Variants in PTPN14 observed in about 807,000 individuals in gnomAD.
PTPN14 encodes the protein protein tyrosine phosphatase non-receptor type 14.
In PTPN14, 53 loss-of-function variants were observed where a neutral mutation model predicts 126.8. The observed-to-expected ratio is 0.42, with a 90% CI of 0.34 to 0.53. The LOEUF (loss-of-function observed/expected upper bound fraction) is 0.53, where lower values mean the gene tolerates loss of function less well. Ranked by LOEUF, PTPN14 falls within the 20% of genes least tolerant of loss-of-function variation. The probability of loss-of-function intolerance (pLI) is 0.08; values close to 1 mark genes in which losing one functional copy is unlikely to be tolerated. For synonymous variants in PTPN14, 630 were observed against 599.3 expected (o/e 1.05, Z -0.75); for missense variants, 1,257 against 1,552.9 (o/e 0.81, Z 3.20).
chr1:214,539,723 G>T (rs1319250206), intron 1 of PTPN14, among the ~76,000 whole-genome samples: 1 of 152,128 alleles, frequency 6.6e-6, no homozygotes, highest in East Asian at 1.9e-4. Flanking sequence ...GAAGAGAGGA[G>T]GAGGGAGGAA....
intron 17 of PTPN14, among the ~76,000 whole-genome samples, chr1:214,365,873 A>G (rs1658068546): frequency 6.7e-6 from 1 of 150,096 alleles, no homozygotes; most frequent in South Asian, 2.1e-4. Flanking sequence ...CAAAATAAAA[A>G]AGAAAGAAGG....
chr1:214,461,548 T>A (rs1660512794), intron 2 of PTPN14, among the ~76,000 whole-genome samples: 2 of 152,062 alleles, frequency 1.3e-5, no homozygotes. Flanking sequence ...TGGGATCACT[T>A]GAGCTCAGGA....
rs2102492577 is a variant in PTPN14 at position 214,351,768 on chromosome 1, T to TGC, written c.*6152_*6153dup. 1 of 152,338 alleles carries TGC rather than the reference T, an allele frequency of 6.6e-6. No homozygotes were observed. The highest frequency in any genetic ancestry group is 2.1e-4 in the South Asian group (1 of 4,826). 9.4% of individuals were successfully genotyped at this position (152,338 alleles called of 1,614,324 possible). On this transcript the variant is annotated 3_prime_UTR_variant, in exon 19 of 19. Transcript: ENST00000366956. The stretch of plus-strand genomic sequence containing the variant: ...GCTAGGGTGAAATAGACTCCAACAC[T>TGC]GCTGCAGGCTTTCCCTAGCATGCCA...
At chr1:214,478,677 CT>C (rs1660918930) in intron 1 of PTPN14, among the ~76,000 whole-genome samples, 2 of 152,204 alleles carry the variant, frequency 1.3e-5, no homozygotes. Flanking sequence ...CTATAATAGC[CT>C]TTAAATGATT....
At chr1:214,533,048 C>G in intron 1 of PTPN14, 2 of 747,898 alleles carry the variant, frequency 2.7e-6, no homozygotes, top group Non-Finnish European at 4.9e-6. Flanking sequence ...CAGGTTGGAG[C>G]TGCTGAGATG....
chr1:214,360,460 G>A (rs1056580934), intron 18 of PTPN14, among the ~76,000 whole-genome samples: 1 of 152,238 alleles, frequency 6.6e-6, no homozygotes, highest in African/African-American at 2.4e-5. Context: ...GCTTCTGACA[G>A]TAACAAGTAG....
chr1:214,529,183 G>A (rs1056184769), intron 1 of PTPN14: 1 of 152,136 alleles, frequency 6.6e-6, no homozygotes, highest in Non-Finnish European at 1.5e-5. Flanking sequence ...TGTGTGTGGT[G>A]GCGCATGTCT....
intron 1 of PTPN14, among the ~76,000 whole-genome samples, chr1:214,524,101 C>T (rs1655329107): frequency 1.3e-5 from 2 of 151,906 alleles, no homozygotes; most frequent in South Asian, 2.1e-4. Context: ...CTACCTGCCT[C>T]GGCCTCCCAA....
intron 2 of PTPN14, 116 bp downstream of exon 2, chr1:214,464,514 G>C: frequency 7.3e-7 from 1 of 1,363,172 alleles, no homozygotes; most frequent in Non-Finnish European, 9.9e-7. Flanking sequence ...TCGTCGCTTA[G>C]GCCAAAAAAC....
At chr1:214,416,364 A>G (rs1659426207) in intron 3 of PTPN14, among the ~76,000 whole-genome samples, 1 of 152,232 alleles carries the variant, frequency 6.6e-6, no homozygotes, top group Non-Finnish European at 1.5e-5. Flanking sequence ...TGATCAGCTA[A>G]GATTATTTAT....
intron 1 of PTPN14, among the ~76,000 whole-genome samples, chr1:214,468,712 T>C (rs916130473): frequency 2.6e-5 from 4 of 152,214 alleles, no homozygotes; most frequent in African/African-American, 4.8e-5. Flanking sequence ...AGGTTTTCTA[T>C]ATACCTAAAA....
chr1:214,371,224 C>A (rs1232266564), intron 16 of PTPN14, among the ~76,000 whole-genome samples: 1 of 152,044 alleles, frequency 6.6e-6, no homozygotes, highest in African/African-American at 2.4e-5. Context: ...CTAAAGTAGA[C>A]CCCAGTCACT....
intron 3 of PTPN14, among the ~76,000 whole-genome samples, chr1:214,435,258 G>C (rs1057349454): frequency 6.6e-6 from 1 of 150,482 alleles, no homozygotes; most frequent in East Asian, 1.9e-4. Flanking sequence ...GTGTGTGCGT[G>C]TGTGTGTGTG....
intron 3 of PTPN14, 113 bp downstream of exon 3, chr1:214,451,692 C>A (rs1407193391): frequency 1.0e-5 from 13 of 1,249,632 alleles, no homozygotes; most frequent in African/African-American, 3.0e-5. Flanking sequence ...TCCCCCACCA[C>A]ACACCCGCAC....
rs764131218 is a variant in PTPN14, at chr1:214,383,751, T to A, written c.2104A>T (p.Thr702Ser). 1 of 1,613,500 alleles carries A rather than the reference T, an allele frequency of 6.2e-7. No individual in the cohort carries two copies. Among genetic ancestry groups the A allele is most frequent in the South Asian group, 1.1e-5 (1 of 91,088 alleles). ...YHHKKTFSDA[T>S]MLIHSSESEE... Reference sequence around the variant, plus strand: ...CTCTCGCTGCTGTGGATTAGCATAGTGGCATCAGAGAAGGTCTTCTTGTGG... The same window carrying A: ...CTCTCGCTGCTGTGGATTAGCATAGAGGCATCAGAGAAGGTCTTCTTGTGG... The change falls in exon 13 of 19, where the codon ACT becomes TCT. Residue 702 changes from threonine to serine, a missense_variant. Thr to Ser is a moderately conservative substitution (Grantham distance 58). Around this residue, in one of 3 missense-constraint regions of PTPN14, gnomAD observed 1,021 missense variants for 1,183.3 expected, o/e 0.86. Coordinates refer to ENST00000366956, the MANE Select transcript of PTPN14 (RefSeq NM_005401.5). The surrounding 1 kb of genome is among the most constrained non-coding windows in gnomAD (Gnocchi z 4.4).
intron 1 of PTPN14, among the ~76,000 whole-genome samples, chr1:214,526,700 G>C (rs1044025172): frequency 1.3e-5 from 2 of 152,190 alleles, no homozygotes; most frequent in Non-Finnish European, 2.9e-5. Flanking sequence ...AAAAATCCAG[G>C]TTTAGTTTAG....
chr1:214,410,667 A>G (rs139788136), intron 5 of PTPN14, among the ~76,000 whole-genome samples: 2,605 of 152,284 alleles, frequency 0.017, 82 homozygotes, highest in African/African-American at 0.059. Flanking sequence ...AGTCCTCTGC[A>G]TGTAGATGGC....
intron 7 of PTPN14, 107 bp downstream of exon 7, chr1:214,401,578 G>C: frequency 1.1e-6 from 1 of 951,270 alleles, no homozygotes; most frequent in Non-Finnish European, 1.6e-6. Flanking sequence ...AGGCTGCATA[G>C]CAAAAAGAAG....
At chr1:214,475,465 C>T (rs182550919) in intron 1 of PTPN14, among the ~76,000 whole-genome samples, 5 of 152,296 alleles carry the variant, frequency 3.3e-5, no homozygotes, top group African/African-American at 1.2e-4. Context: ...AGAAGAATAC[C>T]TGACTCTGGT....
Sources: gnomAD v4.1 joint callset for allele counts (sites outside exome capture counted in the v4.1 genomes callset) on GRCh38, gnomAD v4.1.1 for gene constraint, gnomAD v4.1.1 regional missense constraint, Gnocchi (gnomAD v3.1) non-coding constraint, MANE v1.5 for transcripts, NCBI Gene and HGNC (gene_info 2026-07-23, HGNC 2026-07-21) for gene names.